IMMP2L: variants seen among roughly 807,000 people sequenced by gnomAD.
IMMP2L encodes inner mitochondrial membrane peptidase subunit 2, also known as mitochondrial inner membrane protease subunit 2.
A neutral mutation model predicts 19.3 loss-of-function variants in IMMP2L; 18 were observed. The observed-to-expected ratio is 0.93, with a 90% CI of 0.64 to 1.38. IMMP2L has a LOEUF of 1.38. Among genes scored for constraint, IMMP2L ranks in the 40% most tolerant of loss-of-function variants. IMMP2L has a pLI of 0.00. For synonymous variants in IMMP2L, 76 were observed against 73.0 expected (o/e 1.04, Z -0.21); for missense variants, 233 against 218.2 (o/e 1.07, Z -0.43).
At chr7:111,028,389 C>G (rs1225184247) in intron 3 of IMMP2L, among the ~76,000 whole-genome samples, 7 of 152,048 alleles carry the variant, frequency 4.6e-5, no homozygotes, top group Admixed American at 4.6e-4. Context: ...TCTCTCTCTT[C>G]CACTCTTCAG....
chr7:111,495,389 T>C (rs1733939262), intron 2 of IMMP2L, among the ~76,000 whole-genome samples: 2 of 152,206 alleles, frequency 1.3e-5, no homozygotes, highest in South Asian at 4.1e-4. Flanking sequence ...TCAACAGATG[T>C]TAGTAAGTTA....
At chr7:110,696,894 T>C (rs1277499567) in intron 5 of IMMP2L, among the ~76,000 whole-genome samples, 1 of 152,186 alleles carries the variant, frequency 6.6e-6, no homozygotes, top group East Asian at 1.9e-4. Flanking sequence ...ATTTGACATA[T>C]ATTGTGTTTC....
Position 110,758,579 on chromosome 7 carries a change from T to C in IMMP2L, c.409-94858A>G, listed in dbSNP as rs988435119. On this transcript the variant is annotated intron_variant, in intron 5 of 5. Coordinates refer to ENST00000405709, the MANE Select transcript of IMMP2L (RefSeq NM_032549.4). The surrounding 1 kb of genome is among the most constrained non-coding windows in gnomAD (Gnocchi z 4.6). ...AGAAGAGGTCTCAGGGCATGTGACA[T>C]TGAGCTATTTAGCAGATAATAATCA... Among the ~76,000 whole-genome samples, 12 of 152,020 alleles carry C rather than the reference T, an allele frequency of 7.9e-5. No individual in the cohort carries two copies. Among genetic ancestry groups the C allele is most frequent in the Admixed American group, 2.0e-4 (3 of 15,224 alleles).
chr7:111,201,831 G>A (rs557817519), intron 3 of IMMP2L, among the ~76,000 whole-genome samples: 8 of 152,138 alleles, frequency 5.3e-5, no homozygotes, highest in South Asian at 4.1e-4. Flanking sequence ...TAAAGAGCTT[G>A]TTTGCCCCTT....
intron 3 of IMMP2L, among the ~76,000 whole-genome samples, chr7:110,967,494 T>C (rs899377392): frequency 1.3e-5 from 2 of 152,100 alleles, no homozygotes; most frequent in Non-Finnish European, 2.9e-5. Flanking sequence ...CTTCCCTCTG[T>C]GACTTGGGTA....
intron 5 of IMMP2L, among the ~76,000 whole-genome samples, chr7:110,823,198 T>C (rs955150138): frequency 6.6e-6 from 1 of 152,134 alleles, no homozygotes; most frequent in African/African-American, 2.4e-5. Context: ...CTCCCAACAT[T>C]ATTCAAATTG....
At chr7:110,962,184 TTC>T (rs1819019084) in intron 4 of IMMP2L, 1 of 151,990 alleles carries the variant, frequency 6.6e-6, no homozygotes, top group South Asian at 2.1e-4. Flanking sequence ...CAGCAATAAG[TTC>T]TCACATTATT....
At chr7:111,492,241 G>T in intron 2 of IMMP2L, 1 of 242,090 alleles carries the variant, frequency 4.1e-6, no homozygotes, top group Non-Finnish European at 6.6e-6. Context: ...TCAATTAGTG[G>T]AATTTCCAAA....
At chr7:110,771,063 C>T (rs1430047385) in intron 5 of IMMP2L, among the ~76,000 whole-genome samples, 8 of 152,084 alleles carry the variant, frequency 5.3e-5, no homozygotes, top group Admixed American at 4.6e-4. Context: ...AGGGGGAAGA[C>T]AATGATGGCA....
intron 4 of IMMP2L, among the ~76,000 whole-genome samples, chr7:110,907,269 TA>T (rs1323838468): frequency 1.3e-5 from 2 of 151,938 alleles, no homozygotes; most frequent in Non-Finnish European, 2.9e-5. Flanking sequence ...CTGAATTTGG[TA>T]AATTTAGGAG....
intron 5 of IMMP2L, among the ~76,000 whole-genome samples, chr7:110,687,505 T>A (rs1793196539): frequency 6.6e-6 from 1 of 152,088 alleles, no homozygotes; most frequent in African/African-American, 2.4e-5. Context: ...AATAATGACA[T>A]TCCCTTAGAC....
intron 3 of IMMP2L, among the ~76,000 whole-genome samples, chr7:111,107,448 C>A (rs2129581838): frequency 6.6e-6 from 1 of 152,082 alleles, no homozygotes; most frequent in African/African-American, 2.4e-5. Context: ...AAAAGAAATT[C>A]TGGATAGTTC....
chr7:111,012,245 G>A lies in IMMP2L; in HGVS notation c.240-48680C>T, dbSNP rs188910517. Among the ~76,000 whole-genome samples, 4 of 152,252 alleles carry A rather than the reference G, an allele frequency of 2.6e-5. No homozygotes were observed. In the East Asian group the frequency reaches 7.7e-4, roughly 29 times the overall value. On this transcript the variant is annotated intron_variant, in intron 3 of 5. Transcript: ENST00000405709. Reference sequence around the variant, plus strand: ...TGAGATGTCCAAGCACGAGTTTTCAGAGTAACAATGCAATTATTTCCATTA... The same window carrying A: ...TGAGATGTCCAAGCACGAGTTTTCAAAGTAACAATGCAATTATTTCCATTA...
At chr7:110,875,726 C>T (rs1020546275) in intron 5 of IMMP2L, among the ~76,000 whole-genome samples, 9 of 151,938 alleles carry the variant, frequency 5.9e-5, no homozygotes, top group Non-Finnish European at 1.0e-4. Flanking sequence ...ATGGTTTGGT[C>T]GAAGCTCTTC....
chr7:111,496,514 AC>A (rs1843608803), intron 2 of IMMP2L, among the ~76,000 whole-genome samples: 1 of 152,060 alleles, frequency 6.6e-6, no homozygotes, highest in Admixed American at 6.6e-5. Context: ...ATCCACCCTC[AC>A]CCAACATGGG....
chr7:111,142,528 T>G (rs138597594), intron 3 of IMMP2L, among the ~76,000 whole-genome samples: 4,813 of 152,192 alleles, frequency 0.032, 118 homozygotes, highest in Middle Eastern at 0.051. Flanking sequence ...GGGTTCATTT[T>G]GATATTTTTC....
At chr7:110,847,548 T>G (rs1372364902) in intron 5 of IMMP2L, among the ~76,000 whole-genome samples, 1 of 152,158 alleles carries the variant, frequency 6.6e-6, no homozygotes, top group Non-Finnish European at 1.5e-5. Context: ...CAAGTTGTTT[T>G]GTAGATATTA....
intron 3 of IMMP2L, among the ~76,000 whole-genome samples, chr7:111,227,248 C>G (rs897375148): frequency 4.6e-5 from 7 of 152,086 alleles, no homozygotes; most frequent in African/African-American, 1.7e-4. Context: ...ATTTCTCACA[C>G]TATTCTGCAT....
intron 5 of IMMP2L, among the ~76,000 whole-genome samples, chr7:110,778,750 T>C (rs1448903399): frequency 3.3e-5 from 5 of 151,950 alleles, no homozygotes; most frequent in Non-Finnish European, 7.4e-5. Context: ...TTTAGATATG[T>C]GGCCCTAGAA....
Sources: allele counts gnomAD v4.1 joint callset (sites outside exome capture counted in the v4.1 genomes callset), GRCh38; gene constraint gnomAD v4.1.1; non-coding constraint Gnocchi (gnomAD v3.1); transcripts MANE v1.5; gene names NCBI Gene and HGNC (gene_info 2026-07-23, HGNC 2026-07-21).